NUDT3: variants seen among roughly 807,000 people sequenced by gnomAD.
NUDT3 encodes the protein diphosphoinositol polyphosphate phosphohydrolase 1.
In NUDT3, 9 loss-of-function variants were observed where a neutral mutation model predicts 23.6. That is an observed-to-expected ratio of 0.38 (90% CI 0.23 to 0.66). NUDT3 has a LOEUF of 0.66. Among genes scored for constraint, NUDT3 ranks in the 30% least tolerant of loss-of-function variants. The pLI is 0.52. For missense variants in NUDT3, 172 were observed against 218.5 expected, an observed-to-expected ratio of 0.79 and a Z score of 1.34; for synonymous variants, 86 against 82.6, an observed-to-expected ratio of 1.04 and a Z score of -0.22.
chr6:34,357,398 A>C (rs1345729649), intron 1 of NUDT3, among the ~76,000 whole-genome samples: 1 of 151,962 alleles, frequency 6.6e-6, no homozygotes, highest in Non-Finnish European at 1.5e-5. Context: ...GGACCGCTTG[A>C]GCCCAGGAGT....
At chr6:34,323,520 T>A (rs116397376) in intron 2 of NUDT3, among the ~76,000 whole-genome samples, 237 of 151,642 alleles carry the variant, frequency 1.6e-3, no homozygotes, top group African/African-American at 5.2e-3. Context: ...TAAGCAGAGA[T>A]TGCACCACTG....
rs1475471402 is a variant in NUDT3 at position 34,308,227 on chromosome 6, G to C, written c.211-12542C>G. ...AATCCCAGCACTTAGGGAGGCGGAGGTGGGAGGATCACTTGAGCCTAGAAA... is the reference window on the plus strand; with the variant it reads ...AATCCCAGCACTTAGGGAGGCGGAGCTGGGAGGATCACTTGAGCCTAGAAA... On this transcript the variant is annotated intron_variant, in intron 2 of 4. Transcript: ENST00000607016. Among the ~76,000 whole-genome samples, 2 of 146,810 alleles carry C rather than the reference G, an allele frequency of 1.4e-5. 1 individual carries two copies.
chr6:34,281,604 A>C lies in NUDT3; in HGVS notation c.*7149T>G, dbSNP rs370714843. 2.6e-5 allele frequency: 4 copies of C among 152,226 alleles called. No individual in the cohort carries two copies. The highest frequency in any genetic ancestry group is 4.8e-5 in the African/African-American group (2 of 41,458). 9.4% of individuals were successfully genotyped at this position (152,226 alleles called of 1,614,324 possible). ...ATTTACAAAACTGTACTACATACTT[A>C]TTTCTTTTACAGTAGAGCTGACCAA... On this transcript the variant is annotated 3_prime_UTR_variant, in exon 5 of 5. Transcript: ENST00000607016.
chr6:34,321,334 A>C (rs1221558761), intron 2 of NUDT3, among the ~76,000 whole-genome samples: 1 of 151,996 alleles, frequency 6.6e-6, no homozygotes, highest in African/African-American at 2.4e-5. Context: ...GCTACTCAAG[A>C]GGCTGAGACA....
intron 2 of NUDT3, among the ~76,000 whole-genome samples, chr6:34,299,171 T>G (rs1763558805): frequency 6.6e-6 from 1 of 152,200 alleles, no homozygotes; most frequent in Admixed American, 6.5e-5. Context: ...CAGGGCCACA[T>G]CTGACAGATA....
At chr6:34,312,950 T>A (rs1307158538) in intron 2 of NUDT3, among the ~76,000 whole-genome samples, 1 of 152,032 alleles carries the variant, frequency 6.6e-6, no homozygotes, top group Non-Finnish European at 1.5e-5. Flanking sequence ...GTGGATCACC[T>A]GAGGTCAGGA....
At position 34,288,816 on chromosome 6, in the gene NUDT3, GCC is replaced by G. The variant is rs777512590; in HGVS notation, c.454_455del (p.Gly152HisfsTer27). 5.6e-6 allele frequency: 9 copies of G among 1,613,928 alleles called. No homozygotes were observed. The highest frequency in any genetic ancestry group is 3.3e-5 in the Admixed American group (2 of 59,972). On this transcript the variant is annotated frameshift_variant, in exon 5 of 5. Transcript: ENST00000607016. LOFTEE classifies it high-confidence loss of function. ...AGTATGTGGTGGCCACGACTGGGGTGCCATTGTTGGCTGAGTAGCCTTGCCTC... is the reference window on the plus strand; with the variant it reads ...AGTATGTGGTGGCCACGACTGGGGTGATTGTTGGCTGAGTAGCCTTGCCTC... ...TLRQGYSANN[G>X]TPVVATTYSV...
chr6:34,330,864 C>T (rs771572819), intron 2 of NUDT3, among the ~76,000 whole-genome samples: 1 of 151,938 alleles, frequency 6.6e-6, no homozygotes, highest in Non-Finnish European at 1.5e-5. Context: ...AAAATAACTT[C>T]TTTTTTTTGA....
chr6:34,366,893 A>G (rs1764743845), intron 1 of NUDT3, among the ~76,000 whole-genome samples: 1 of 151,638 alleles, frequency 6.6e-6, no homozygotes, highest in Non-Finnish European at 1.5e-5. Context: ...TTTTACCACA[A>G]TTAAAAAAAA....
chr6:34,321,468 A>ATAC (rs758871986), intron 2 of NUDT3, among the ~76,000 whole-genome samples: 3 of 152,190 alleles, frequency 2.0e-5, no homozygotes. Context: ...AATAATAATA[A>ATAC]TAACGTGTTG....
intron 1 of NUDT3, among the ~76,000 whole-genome samples, chr6:34,378,446 A>G (rs538918017): frequency 2.0e-5 from 3 of 152,364 alleles, no homozygotes; most frequent in African/African-American, 4.8e-5. Flanking sequence ...AAAAACTACC[A>G]AAGTGATATA....
At chr6:34,374,186 A>T (rs1764884820) in intron 1 of NUDT3, among the ~76,000 whole-genome samples, 1 of 148,966 alleles carries the variant, frequency 6.7e-6, no homozygotes, top group South Asian at 2.1e-4. Context: ...AAAAAAATGC[A>T]TTCTACTTGT....
At chr6:34,326,286 C>G (rs1279574918) in intron 2 of NUDT3, among the ~76,000 whole-genome samples, 2 of 152,254 alleles carry the variant, frequency 1.3e-5, no homozygotes, top group Admixed American at 6.5e-5. Flanking sequence ...CTAATTTTAA[C>G]ATTTTTATTT....
At chr6:34,378,180 G>A (rs1388142152) in intron 1 of NUDT3, among the ~76,000 whole-genome samples, 1 of 151,764 alleles carries the variant, frequency 6.6e-6, no homozygotes, top group Non-Finnish European at 1.5e-5. Context: ...GCACATTCCT[G>A]TAGTCTCAGC....
At chr6:34,367,853 C>T (rs1368866826) in intron 1 of NUDT3, among the ~76,000 whole-genome samples, 1 of 152,166 alleles carries the variant, frequency 6.6e-6, no homozygotes, top group Non-Finnish European at 1.5e-5. Flanking sequence ...GCAAAACTGG[C>T]TACCATTTTG....
At chr6:34,366,682 C>T (rs999219793) in intron 1 of NUDT3, among the ~76,000 whole-genome samples, 13 of 151,988 alleles carry the variant, frequency 8.6e-5, no homozygotes, top group African/African-American at 2.9e-4. Context: ...TTCAGCCTCC[C>T]AAGCAGCTAG....
chr6:34,337,537 C>T (rs1225932032), intron 2 of NUDT3, among the ~76,000 whole-genome samples: 1 of 152,144 alleles, frequency 6.6e-6, no homozygotes, highest in African/African-American at 2.4e-5. Flanking sequence ...GGATAGTATG[C>T]AATTTCCAGG....
intron 2 of NUDT3, among the ~76,000 whole-genome samples, chr6:34,300,241 C>T (rs1226148097): frequency 6.6e-6 from 1 of 152,156 alleles, no homozygotes; most frequent in African/African-American, 2.4e-5. Flanking sequence ...CAATCTACCA[C>T]AAGGAATCCT....
At chr6:34,337,735 ATGTG>A in intron 2 of NUDT3, among the ~76,000 whole-genome samples, 1 of 152,320 alleles carries the variant, frequency 6.6e-6, no homozygotes, top group East Asian at 1.9e-4. Flanking sequence ...CAAATTCCAA[ATGTG>A]CTCTACAAAA....
Sources: allele counts gnomAD v4.1 joint callset (sites outside exome capture counted in the v4.1 genomes callset), GRCh38; gene constraint gnomAD v4.1.1; transcripts MANE v1.5; gene names NCBI Gene and HGNC (gene_info 2026-07-23, HGNC 2026-07-21).